The following ADAM22 variants were observed in gnomAD, a reference collection of about 807,000 sequenced individuals.
ADAM22 encodes ADAM metallopeptidase domain 22, also known as disintegrin and metalloproteinase domain-containing protein 22.
Under a neutral mutation model 144.6 loss-of-function variants are expected in ADAM22, and 65 were observed. The ratio of observed to expected loss-of-function variants is 0.45; its 90% confidence interval spans 0.37 to 0.55. The LOEUF is 0.55. ADAM22 is among the 20% of genes least tolerant of loss of function. The probability of loss-of-function intolerance (pLI) is 0.00; values close to 1 mark genes in which losing one functional copy is unlikely to be tolerated. For missense variants in ADAM22, 974 were observed against 1,184.9 expected (o/e 0.82, Z 2.61); for synonymous variants, 391 against 412.6 (o/e 0.95, Z 0.63).
Position 88,145,478 on chromosome 7 carries a change from A to G in ADAM22, c.1456A>G (p.Ser486Gly), listed in dbSNP as rs759970515. 6.8e-6 allele frequency: 11 copies of G among 1,613,656 alleles called. No individual in the cohort carries two copies. In the South Asian group the frequency reaches 7.7e-5, roughly 11 times the overall value. Residue 486 changes from serine (S) to glycine (G), a missense_variant, in exon 17 of 32, where the codon AGT becomes GGT. Coordinates refer to ENST00000413139, the MANE Select transcript of ADAM22 (RefSeq NM_001324418.2). ...KCTLTQDSQCSDGLCCKKCKF... is the reference protein window; with the variant it reads ...KCTLTQDSQCGDGLCCKKCKF... ...CACCTTGACTCAAGACTCTCAATGC[A>G]GTGACGGTCTTTGCTGTAAAAAGTG...
At chr7:88,081,777 C>T (rs1285504995) in intron 4 of ADAM22, among the ~76,000 whole-genome samples, 7 of 141,456 alleles carry the variant, frequency 4.9e-5, no homozygotes, top group Non-Finnish European at 9.1e-5. Flanking sequence ...ATCCAACTTA[C>T]AAGGGATGTG....
intron 3 of ADAM22, among the ~76,000 whole-genome samples, chr7:88,046,666 C>T (rs1048942082): frequency 1.3e-5 from 2 of 152,074 alleles, no homozygotes; most frequent in African/African-American, 4.8e-5. Context: ...AAGCTTTTAC[C>T]CTATGTTTTC....
chr7:88,118,867 T>C (rs1181218732), intron 7 of ADAM22, among the ~76,000 whole-genome samples: 1 of 152,170 alleles, frequency 6.6e-6, no homozygotes, highest in Non-Finnish European at 1.5e-5. Flanking sequence ...CTCCCAACAT[T>C]ACTTATGATT....
Position 88,007,884 on chromosome 7 carries a change from C to A in ADAM22, c.323+29472C>A, listed in dbSNP as rs189522900. On this transcript the variant is annotated intron_variant, in intron 3 of 31. Transcript: ENST00000413139. ...ACACCAGAAGCAATGGCAACAAAAG[C>A]CAAAATTGACAAGTGGGATCTAATT... 5.8e-3 allele frequency among the ~76,000 whole-genome samples: 886 copies of A among 152,222 alleles called. 13 individuals are homozygous for A. Among genetic ancestry groups the A allele is most frequent in the East Asian group, 0.046 (240 of 5,176 alleles).
chr7:88,026,549 A>G (rs1314233947), intron 3 of ADAM22, among the ~76,000 whole-genome samples: 3 of 152,188 alleles, frequency 2.0e-5, no homozygotes, highest in Admixed American at 2.0e-4. Context: ...TAGCATGTAG[A>G]AATGCTACTG....
At chr7:88,160,610 A>G (rs768327777) in intron 22 of ADAM22, among the ~76,000 whole-genome samples, 19 of 152,272 alleles carry the variant, frequency 1.2e-4, no homozygotes, top group Non-Finnish European at 2.6e-4. Flanking sequence ...GTAATGGGGT[A>G]CTGGGTATAT....
intron 3 of ADAM22, among the ~76,000 whole-genome samples, chr7:87,989,180 C>T (rs1789165268): frequency 1.3e-5 from 2 of 152,086 alleles, no homozygotes; most frequent in Admixed American, 6.6e-5. Flanking sequence ...TATGCCATCA[C>T]GCTATCATTT....
At chr7:88,006,596 T>C (rs1274964175) in intron 3 of ADAM22, among the ~76,000 whole-genome samples, 1 of 148,104 alleles carries the variant, frequency 6.8e-6, no homozygotes, top group Non-Finnish European at 1.5e-5. Flanking sequence ...GCTGGTTCAA[T>C]GTATGCAAAT....
intron 2 of ADAM22, among the ~76,000 whole-genome samples, chr7:87,939,444 T>C (rs1842030066): frequency 6.6e-6 from 1 of 152,232 alleles, no homozygotes; most frequent in Admixed American, 6.5e-5. Flanking sequence ...GAGAGTTAAC[T>C]GACCAGATTC....
At chr7:88,076,426 C>G (rs967871492) in intron 4 of ADAM22, among the ~76,000 whole-genome samples, 1 of 152,128 alleles carries the variant, frequency 6.6e-6, no homozygotes, top group African/African-American at 2.4e-5. Context: ...AATGTTACCC[C>G]TGAGAACCAA....
intron 3 of ADAM22, among the ~76,000 whole-genome samples, chr7:87,998,752 G>C (rs183951971): frequency 6.6e-6 from 1 of 152,058 alleles, no homozygotes; most frequent in Non-Finnish European, 1.5e-5. Context: ...AAGTCTCTTC[G>C]TGCAGCACCC....
chr7:87,960,529 G>C (rs1447244113), intron 2 of ADAM22, among the ~76,000 whole-genome samples: 1 of 152,152 alleles, frequency 6.6e-6, no homozygotes, highest in Non-Finnish European at 1.5e-5. Flanking sequence ...CCCTTGTGCA[G>C]TTGGGTATTT....
At chr7:88,047,957 G>A (rs1343916999) in intron 3 of ADAM22, among the ~76,000 whole-genome samples, 1 of 151,824 alleles carries the variant, frequency 6.6e-6, no homozygotes, top group Non-Finnish European at 1.5e-5. Context: ...TATAAAATTA[G>A]CAATAAAAAA....
chr7:87,972,804 C>G (rs1247797321), intron 2 of ADAM22, among the ~76,000 whole-genome samples: 1 of 152,176 alleles, frequency 6.6e-6, no homozygotes, highest in Non-Finnish European at 1.5e-5. Context: ...CTACAACTAT[C>G]TGATCTTTGA....
At chr7:87,959,670 A>G (rs1473712934) in intron 2 of ADAM22, among the ~76,000 whole-genome samples, 1 of 152,216 alleles carries the variant, frequency 6.6e-6, no homozygotes, top group African/African-American at 2.4e-5. Context: ...TATGCAAATC[A>G]AAAGGAACAG....
intron 3 of ADAM22, among the ~76,000 whole-genome samples, chr7:88,052,597 A>C (rs1806807816): frequency 6.6e-6 from 1 of 152,206 alleles, no homozygotes; most frequent in African/African-American, 2.4e-5. Flanking sequence ...ATCAAAGTAC[A>C]CAGTACACAT....
chr7:88,106,555 G>C (rs3753104), intron 4 of ADAM22, among the ~76,000 whole-genome samples: 85,752 of 151,738 alleles, frequency 0.57, 25,249 homozygotes, highest in East Asian at 0.9. Context: ...TAACATTTGC[G>C]CCTTTAAACC....
chr7:87,943,018 CAT>C (rs1842775205), intron 2 of ADAM22, among the ~76,000 whole-genome samples: 1 of 151,736 alleles, frequency 6.6e-6, no homozygotes, highest in South Asian at 2.1e-4. Flanking sequence ...CTTCTGAAAA[CAT>C]GTAGTTGAAT....
chr7:88,123,597 A>G (rs1024684765), intron 7 of ADAM22, among the ~76,000 whole-genome samples: 2 of 151,416 alleles, frequency 1.3e-5, no homozygotes, highest in African/African-American at 2.4e-5. Context: ...GATCAATTTT[A>G]TTGATTTTTG....
Sources: gnomAD v4.1 joint callset for allele counts (sites outside exome capture counted in the v4.1 genomes callset) on GRCh38, gnomAD v4.1.1 for gene constraint, MANE v1.5 for transcripts, NCBI Gene and HGNC (gene_info 2026-07-23, HGNC 2026-07-21) for gene names.